POU3F3: variants seen among roughly 807,000 people sequenced by gnomAD.
POU3F3 encodes POU domain, class 3, transcription factor 3.
POU3F3 carries 1 observed loss-of-function variant against 8.6 expected under a neutral mutation model. The ratio of observed to expected loss-of-function variants is 0.12; its 90% confidence interval spans 0.04 to 0.55. The LOEUF (loss-of-function observed/expected upper bound fraction) is 0.55. Among genes scored for constraint, POU3F3 ranks in the 20% least tolerant of loss-of-function variants. The probability of loss-of-function intolerance (pLI) is 0.91; values close to 1 mark genes in which losing one functional copy is unlikely to be tolerated. For missense variants in POU3F3, 577 were observed against 690.7 expected, an observed-to-expected ratio of 0.84 and a Z score of 1.84; for synonymous variants, 418 against 327.4, an observed-to-expected ratio of 1.28 and a Z score of -2.99.
chr2:104,898,934 ACAG>A, the POU3F3 span, among the ~76,000 whole-genome samples: 1 of 152,218 alleles, frequency 6.6e-6, no homozygotes, highest in African/African-American at 2.4e-5. Flanking sequence ...CAGGTATCTG[ACAG>A]CAGAACCAGA....
the POU3F3 span, among the ~76,000 whole-genome samples, chr2:104,922,258 A>G: frequency 1.3e-5 from 2 of 152,156 alleles, no homozygotes; most frequent in African/African-American, 2.4e-5. Context: ...ATAAAAAATC[A>G]TAAGGCATAC....
chr2:104,893,561 G>A, the POU3F3 span, among the ~76,000 whole-genome samples: 1 of 152,238 alleles, frequency 6.6e-6, no homozygotes, highest in Admixed American at 6.5e-5. Context: ...GATGGTGATT[G>A]CATTGACTTC....
the POU3F3 span, among the ~76,000 whole-genome samples, chr2:104,893,196 A>G: frequency 1.3e-5 from 2 of 152,144 alleles, no homozygotes; most frequent in Non-Finnish European, 2.9e-5. Context: ...CCCAGCTAAC[A>G]CTCTTCTGAA....
chr2:104,856,156 C>A lies in POU3F3; in HGVS notation c.646C>A (p.Pro216Thr). ...GTCCATGGCCGGGGGCCAGCAGCCGCCGCCGCAGAGTCTGCTCTACTCGCA... is the reference window on the plus strand; with the variant it reads ...GTCCATGGCCGGGGGCCAGCAGCCGACGCCGCAGAGTCTGCTCTACTCGCA... ...LPSMAGGQQP[P>T]PQSLLYSQPG... Residue 216 changes from proline (P) to threonine (T), a missense_variant, in exon 1 of 1, where the codon CCG (proline) becomes ACG (threonine). Physicochemically the swap from Pro to Thr is conservative, Grantham distance 38. Around this residue, in one of 7 missense-constraint regions of POU3F3, gnomAD observed 484 missense variants for 422.6 expected, o/e 1.15. Transcript: ENST00000361360. The A allele has an allele frequency of 8.0e-7, 1 of 1,251,010 alleles. No homozygotes were observed. Among genetic ancestry groups the A allele is most frequent in the Non-Finnish European group, 1.0e-6 (1 of 997,306 alleles). The allele number at this position is 1,251,010 out of a possible 1,614,324, so 77.5% of individuals were successfully genotyped here. A position where few individuals can be genotyped will look rare whatever the true frequency, so the allele number is the denominator to read the frequency against.
downstream of POU3F3, among the ~76,000 whole-genome samples, chr2:104,858,780 A>C (rs1676622140): frequency 6.6e-6 from 1 of 152,210 alleles, no homozygotes; most frequent in African/African-American, 2.4e-5. Context: ...ATAATCCATA[A>C]ATTCACAATA....
chr2:104,884,753 G>A, the POU3F3 span, among the ~76,000 whole-genome samples: 2 of 152,188 alleles, frequency 1.3e-5, no homozygotes, highest in Non-Finnish European at 2.9e-5. Flanking sequence ...GAAGCACCAA[G>A]CCCCATTGTG....
rs1274384195 is a variant in POU3F3 at position 104,855,516 on chromosome 2, C to T, written c.6C>T (p.Ala2=). 9.8e-7 allele frequency: 1 copy of T among 1,019,380 alleles called. No individual in the cohort carries two copies. Among genetic ancestry groups the T allele is most frequent in the Non-Finnish European group, 1.2e-6 (1 of 850,454 alleles). The allele number at this position is 1,019,380 out of a possible 1,614,324, so 63.1% of individuals were successfully genotyped here. A position where few individuals can be genotyped will look rare whatever the true frequency, so the allele number is the denominator to read the frequency against. The stretch of plus-strand genomic sequence containing the variant: ...GGTGGCGGGAGCGGAGCGGCATGGC[C>T]ACGGCGGCTTCTAACCCCTACCTGC... M[A]TAASNPYLPG... Residue 2 remains alanine, a synonymous_variant, in exon 1 of 1, where the codon GCC becomes GCT. Transcript: ENST00000361360.
chr2:104,860,813 G>C (rs780688208), downstream of POU3F3, among the ~76,000 whole-genome samples: 2 of 110,666 alleles, frequency 1.8e-5, no homozygotes, highest in African/African-American at 7.1e-5. Flanking sequence ...TCTTTGTTCC[G>C]AAGAGAACTG....
Position 104,854,726 on chromosome 2 carries a change from G to A in POU3F3, c.-785G>A, listed in dbSNP as rs186310432. 6.6e-6 allele frequency among the ~76,000 whole-genome samples: 1 copy of A among 152,144 alleles called. No individual in the cohort carries two copies. Among genetic ancestry groups the A allele is most frequent in the Non-Finnish European group, 1.5e-5 (1 of 68,034 alleles). On this transcript the variant is annotated 5_prime_UTR_variant, in exon 1 of 1. Transcript: ENST00000361360. The surrounding 1 kb of genome is among the most constrained non-coding windows in gnomAD (Gnocchi z 4.5). ...AAAACTTGAAACGAGAGGACCAGAGGGGGAGAGCAGGAGCCAGCCTCCCCT... is the reference window on the plus strand; with the variant it reads ...AAAACTTGAAACGAGAGGACCAGAGAGGGAGAGCAGGAGCCAGCCTCCCCT...
In POU3F3 at chr2:104,856,683, C is replaced by T. The variant is rs199565525; in HGVS notation, c.1173C>T (p.Thr391=). 7 of 1,614,124 alleles carry T rather than the reference C, an allele frequency of 4.3e-6. No individual in the cohort carries two copies. The East Asian group carries it at 6.7e-5, about 15-fold the overall frequency. ...NKWLEEADSS[T]GSPTSIDKIA... ...GGCTGGAGGAGGCGGACTCAAGCAC[C>T]GGCAGCCCCACAAGCATCGACAAGA... Residue 391 remains threonine (T), a synonymous_variant, in exon 1 of 1, where the codon ACC becomes ACT. Transcript: ENST00000361360.
chr2:104,878,540 C>A, the POU3F3 span, among the ~76,000 whole-genome samples: 2 of 152,232 alleles, frequency 1.3e-5, no homozygotes. Flanking sequence ...GAAAAGGCTG[C>A]ACTCTTACTA....
chr2:104,915,756 G>A, the POU3F3 span, among the ~76,000 whole-genome samples: 3 of 151,620 alleles, frequency 2.0e-5, no homozygotes, highest in Non-Finnish European at 2.9e-5. Context: ...GATGCAAATC[G>A]CTGGACTGTC....
At chr2:104,909,816 A>G in the POU3F3 span, among the ~76,000 whole-genome samples, 5 of 152,216 alleles carry the variant, frequency 3.3e-5, no homozygotes, top group East Asian at 1.9e-4. Context: ...AATAAGGGGG[A>G]AAAAGCATGC....
In POU3F3 at chr2:104,856,395, C is replaced by A; in HGVS notation, c.885C>A (p.Gly295=). 6.4e-7 allele frequency: 1 copy of A among 1,571,144 alleles called. No individual in the cohort carries two copies. Among genetic ancestry groups the A allele is most frequent in the East Asian group, 2.4e-5 (1 of 42,306 alleles). ...ACGCGCAGGGACCCCCGCACCACGG[C>A]GGCGGCGGCGGCGGCGCGGGGCCTG... is the stretch of plus-strand genomic sequence containing the variant. ...PHHAQGPPHH[G]GGGGGAGPGL... is the part of the protein sequence containing the mutation. The change falls in exon 1 of 1, where the codon GGC becomes GGA. Residue 295 remains glycine (G), a synonymous_variant. Coordinates refer to ENST00000361360, the MANE Select transcript of POU3F3 (RefSeq NM_006236.3).
At chr2:104,887,128 G>T in the POU3F3 span, among the ~76,000 whole-genome samples, 2 of 152,080 alleles carry the variant, frequency 1.3e-5, no homozygotes, top group East Asian at 1.9e-4. Flanking sequence ...AAACAGTCAC[G>T]GCACTGGTGG....
downstream of POU3F3, chr2:104,858,612 A>T (rs756177757): frequency 1.3e-5 from 2 of 152,214 alleles, no homozygotes; most frequent in Non-Finnish European, 2.9e-5. Flanking sequence ...TGTGGGAAGA[A>T]AAGAGTTCTT....
the POU3F3 span, among the ~76,000 whole-genome samples, chr2:104,895,397 T>A: frequency 5.3e-5 from 8 of 152,336 alleles, no homozygotes; most frequent in South Asian, 2.1e-4. Flanking sequence ...ACCTTATGGT[T>A]GTTTATTTTC....
the POU3F3 span, chr2:104,872,584 G>C: frequency 9.0e-5 from 27 of 301,136 alleles, no homozygotes; most frequent in African/African-American, 5.8e-4. This position sits in a 1 kb window ranked among gnomAD's most constrained non-coding sequence, Gnocchi z 4.6. Flanking sequence ...AGGCTGGTGG[G>C]GACGCACTCG....
the POU3F3 span, among the ~76,000 whole-genome samples, chr2:104,873,497 C>T: frequency 2.0e-5 from 3 of 152,194 alleles, no homozygotes; most frequent in African/African-American, 7.2e-5. Context: ...TGCCAGGCAA[C>T]TCCTGTGCCC....
Sources: gnomAD v4.1 joint callset for allele counts (sites outside exome capture counted in the v4.1 genomes callset) on GRCh38, gnomAD v4.1.1 for gene constraint, gnomAD v4.1.1 regional missense constraint, Gnocchi (gnomAD v3.1) non-coding constraint, MANE v1.5 for transcripts, NCBI Gene and HGNC (gene_info 2026-07-23, HGNC 2026-07-21) for gene names.